SPIDR: variants seen among roughly 807,000 people sequenced by gnomAD.
The protein encoded by SPIDR is scaffold protein involved in DNA repair, also known as DNA repair-scaffolding protein.
In SPIDR, 93 loss-of-function variants were observed where a neutral mutation model predicts 104.6. That is an observed-to-expected ratio of 0.89 (90% CI 0.75 to 1.06). The LOEUF (loss-of-function observed/expected upper bound fraction) is 1.06, where lower values mean the gene tolerates loss of function less well. SPIDR is among the 50% of genes least tolerant of loss of function. SPIDR has a pLI of 0.00. For synonymous variants in SPIDR, 431 were observed against 416.9 expected (o/e 1.03, Z -0.41); for missense variants, 1,154 against 1,111.2 (o/e 1.04, Z -0.55).
intron 8 of SPIDR, among the ~76,000 whole-genome samples, chr8:47,452,545 A>G (rs2072017796): frequency 6.6e-6 from 1 of 152,232 alleles, no homozygotes; most frequent in South Asian, 2.1e-4. Context: ...CTGGGATGCA[A>G]GGCTGGTTCA....
intron 5 of SPIDR, among the ~76,000 whole-genome samples, chr8:47,395,178 G>A (rs143308600): frequency 7.2e-5 from 11 of 152,006 alleles, no homozygotes; most frequent in Admixed American, 5.2e-4. Context: ...GTGAAACCCC[G>A]TCTCTACTAA....
At chr8:47,349,988 C>G (rs1287087608) in intron 5 of SPIDR, among the ~76,000 whole-genome samples, 1 of 152,280 alleles carries the variant, frequency 6.6e-6, no homozygotes, top group African/African-American at 2.4e-5. Context: ...ACTGTCCAGC[C>G]AGTCCCAGTG....
chr8:47,729,048 G>A lies in SPIDR; in HGVS notation c.2550+1G>A, dbSNP rs1377557009. 7 of 1,613,784 alleles carry A rather than the reference G, an allele frequency of 4.3e-6. No individual in the cohort carries two copies. The South Asian group carries it at 6.6e-5, about 15-fold the overall frequency. Reference sequence around the variant, plus strand: ...ACCGCAGTGCAGAGTGAAGGTCAAGGTAGGAGCCAGGCCAGAGCACGCACG... The same window carrying A: ...ACCGCAGTGCAGAGTGAAGGTCAAGATAGGAGCCAGGCCAGAGCACGCACG... On this transcript the variant is annotated splice_donor_variant, in intron 18 of 19. Transcript: ENST00000297423. LOFTEE classifies it high-confidence loss of function.
intron 9 of SPIDR, among the ~76,000 whole-genome samples, chr8:47,598,186 G>T (rs748146378): frequency 6.6e-6 from 1 of 152,218 alleles, no homozygotes; most frequent in Non-Finnish European, 1.5e-5. Flanking sequence ...TCCTGTGACA[G>T]TGATAATGAA....
At chr8:47,676,600 A>G (rs888470953) in intron 11 of SPIDR, among the ~76,000 whole-genome samples, 1 of 152,220 alleles carries the variant, frequency 6.6e-6, no homozygotes, top group South Asian at 2.1e-4. Context: ...CCTTAACAAA[A>G]TATACTTCCC....
chr8:47,504,905 C>G (rs2081229217), intron 8 of SPIDR, among the ~76,000 whole-genome samples: 1 of 152,172 alleles, frequency 6.6e-6, no homozygotes, highest in African/African-American at 2.4e-5. Context: ...CACTCCAGAC[C>G]CTGTTTGCCT....
At chr8:47,599,342 T>A in intron 10 of SPIDR, 146 bp downstream of exon 10, 1 of 1,031,332 alleles carries the variant, frequency 9.7e-7, no homozygotes, top group East Asian at 2.6e-5. Flanking sequence ...CATCAAAATT[T>A]GGGATACATG....
chr8:47,343,325 A>G (rs376521951), intron 5 of SPIDR, among the ~76,000 whole-genome samples: 1 of 152,096 alleles, frequency 6.6e-6, no homozygotes, highest in Admixed American at 6.5e-5. Flanking sequence ...CTTTAGGTTA[A>G]TATTTCTCAT....
At chr8:47,349,829 C>T (rs968595646) in intron 5 of SPIDR, among the ~76,000 whole-genome samples, 5 of 152,208 alleles carry the variant, frequency 3.3e-5, no homozygotes, top group Non-Finnish European at 7.3e-5. Flanking sequence ...ATTGGAAAAG[C>T]GCAGTATTAG....
chr8:47,329,790 G>A (rs1368024568), intron 5 of SPIDR, among the ~76,000 whole-genome samples: 1 of 151,930 alleles, frequency 6.6e-6, no homozygotes, highest in South Asian at 2.1e-4. Flanking sequence ...ACCATTTTTT[G>A]TTCTCTTCAT....
chr8:47,360,967 A>T (rs892135969), intron 5 of SPIDR: 7 of 984,936 alleles, frequency 7.1e-6, no homozygotes, highest in Non-Finnish European at 8.4e-6. Context: ...TTCACATATT[A>T]TTTCACACTT....
chr8:47,679,416 C>A (rs1481433656), intron 11 of SPIDR, among the ~76,000 whole-genome samples: 1 of 148,396 alleles, frequency 6.7e-6, no homozygotes, highest in African/African-American at 2.5e-5. Flanking sequence ...CCCACCTTCC[C>A]CCGCCCCCTC....
At chr8:47,451,013 AAC>A (rs1554705613) in intron 8 of SPIDR, among the ~76,000 whole-genome samples, 1 of 152,220 alleles carries the variant, frequency 6.6e-6, no homozygotes, top group Non-Finnish European at 1.5e-5. Context: ...AAAATTACAA[AAC>A]ACACAAACAG....
intron 8 of SPIDR, among the ~76,000 whole-genome samples, chr8:47,541,683 G>A (rs536682423): frequency 6.6e-6 from 1 of 152,164 alleles, no homozygotes; most frequent in East Asian, 1.9e-4. Context: ...GATCACCTGA[G>A]GTCAGGAGTT....
chr8:47,291,728 G>A (rs2154238227), intron 4 of SPIDR, among the ~76,000 whole-genome samples: 1 of 152,282 alleles, frequency 6.6e-6, no homozygotes, highest in Non-Finnish European at 1.5e-5. Flanking sequence ...CTGCTCCATA[G>A]CCAGTTCTTT....
chr8:47,320,241 T>C (rs1479273405), intron 5 of SPIDR, among the ~76,000 whole-genome samples: 11 of 151,818 alleles, frequency 7.2e-5, no homozygotes, highest in Admixed American at 7.2e-4. Flanking sequence ...ATCAAATAGA[T>C]GCAATAAAAA....
chr8:47,699,756 T>C (rs2079878586), intron 11 of SPIDR, among the ~76,000 whole-genome samples: 1 of 152,230 alleles, frequency 6.6e-6, no homozygotes. Context: ...GGTTTCACCA[T>C]GTTGGCCAGG....
intron 5 of SPIDR, among the ~76,000 whole-genome samples, chr8:47,297,764 A>G (rs1378441912): frequency 6.6e-6 from 1 of 152,122 alleles, no homozygotes; most frequent in African/African-American, 2.4e-5. Context: ...AGCTTCATCC[A>G]TGTCCCTACA....
intron 10 of SPIDR, among the ~76,000 whole-genome samples, chr8:47,670,231 T>C (rs1201990004): frequency 6.6e-6 from 1 of 152,004 alleles, no homozygotes; most frequent in East Asian, 1.9e-4. Context: ...TATTTAGTTA[T>C]GGAATGGAGA....
Sources: allele counts gnomAD v4.1 joint callset (sites outside exome capture counted in the v4.1 genomes callset), GRCh38; gene constraint gnomAD v4.1.1; transcripts MANE v1.5; gene names NCBI Gene and HGNC (gene_info 2026-07-23, HGNC 2026-07-21).